Variants in GRIP1 observed in about 807,000 individuals in gnomAD.
The protein encoded by GRIP1 is glutamate receptor interacting protein 1.
GRIP1 carries 45 observed loss-of-function variants against 129.9 expected under a neutral mutation model. The ratio of observed to expected loss-of-function variants is 0.35; its 90% CI spans 0.27 to 0.44. The LOEUF (loss-of-function observed/expected upper bound fraction) is 0.44, where lower values mean the gene tolerates loss of function less well. Ranked by LOEUF, GRIP1 falls within the 20% of genes least tolerant of loss-of-function variation. The probability of loss-of-function intolerance (pLI) is 1.00; values close to 1 mark genes in which losing one functional copy is unlikely to be tolerated. For synonymous variants in GRIP1, 530 were observed against 520.8 expected, an observed-to-expected ratio of 1.02 and a Z score of -0.24; for missense variants, 1,196 against 1,396.8, an observed-to-expected ratio of 0.86 and a Z score of 2.29.
At chr12:66,911,810 C>T (rs1443866231) in intron 1 of GRIP1, among the ~76,000 whole-genome samples, 1 of 152,110 alleles carries the variant, frequency 6.6e-6, no homozygotes, top group Non-Finnish European at 1.5e-5. Context: ...AATGTGTCAT[C>T]CCTTATTAAC....
At chr12:66,838,477 C>A (rs1184971509) in intron 1 of GRIP1, among the ~76,000 whole-genome samples, 3 of 152,150 alleles carry the variant, frequency 2.0e-5, no homozygotes, top group Non-Finnish European at 4.4e-5. Context: ...AGAGTAAACA[C>A]AGGAGACGCA....
intron 1 of GRIP1, among the ~76,000 whole-genome samples, chr12:67,067,635 G>T (rs559879616): frequency 6.6e-6 from 1 of 152,288 alleles, no homozygotes; most frequent in Non-Finnish European, 1.5e-5. Context: ...AAAAAGGGAT[G>T]AATTCCCTGA....
At chr12:67,065,855 ATACATTACTTAAT>A (rs34914049) in intron 1 of GRIP1, among the ~76,000 whole-genome samples, 3,342 of 152,290 alleles carry the variant, frequency 0.022, 132 homozygotes, top group African/African-American at 0.077. Flanking sequence ...AAAACAATGA[ATACATTACTTAAT>A]TTAATTTGAT....
At chr12:66,758,579 C>A (rs1411992441) in intron 1 of GRIP1, among the ~76,000 whole-genome samples, 1 of 152,150 alleles carries the variant, frequency 6.6e-6, no homozygotes, top group Non-Finnish European at 1.5e-5. Context: ...ACCCAAAAGT[C>A]CATAGTCCAA....
At chr12:66,768,503 C>T (rs970318670) in intron 1 of GRIP1, among the ~76,000 whole-genome samples, 1 of 152,122 alleles carries the variant, frequency 6.6e-6, no homozygotes, top group Admixed American at 6.6e-5. Flanking sequence ...AGGAAGTTAA[C>T]GTGTGAGAGT....
intron 1 of GRIP1, among the ~76,000 whole-genome samples, chr12:67,048,101 G>T (rs1297450385): frequency 1.3e-5 from 2 of 150,392 alleles, no homozygotes; most frequent in African/African-American, 4.9e-5. Flanking sequence ...TGGGCCCACA[G>T]AACACACTGT....
intron 1 of GRIP1, among the ~76,000 whole-genome samples, chr12:66,933,036 CATTT>C (rs2041425580): frequency 1.3e-5 from 2 of 152,170 alleles, no homozygotes; most frequent in Admixed American, 6.5e-5. Context: ...TAACGAGTTC[CATTT>C]TATTAACAAT....
intron 1 of GRIP1, among the ~76,000 whole-genome samples, chr12:66,702,301 C>T (rs1270690672): frequency 6.6e-6 from 1 of 152,088 alleles, no homozygotes; most frequent in Non-Finnish European, 1.5e-5. Context: ...ATGCTTCTTT[C>T]ACTGTGATGC....
chr12:66,715,496 G>C lies in GRIP1; in HGVS notation c.-419-85160C>G, dbSNP rs2035859305. ...TGAGAGAGAGAGAGAGAGAGAGAGA[G>C]AGAGAGAGAGAGAGAGAGAGAACTG... On this transcript the variant is annotated intron_variant, in intron 1 of 4. Coordinates refer to the GRIP1 transcript ENST00000538373. Among the ~76,000 whole-genome samples, 9 of 151,118 alleles carry C rather than the reference G, an allele frequency of 6.0e-5. No homozygotes were observed. The South Asian group carries it at 1.9e-3, about 32-fold the overall frequency.
intron 1 of GRIP1, among the ~76,000 whole-genome samples, chr12:67,020,724 T>A (rs1476189852): frequency 6.6e-6 from 1 of 152,166 alleles, no homozygotes; most frequent in African/African-American, 2.4e-5. Context: ...TAAGCCCATA[T>A]TATTGATTTA....
At chr12:66,793,472 GT>G in intron 1 of GRIP1, among the ~76,000 whole-genome samples, 1 of 152,242 alleles carries the variant, frequency 6.6e-6, no homozygotes, top group East Asian at 1.9e-4. Flanking sequence ...CAACAACAAA[GT>G]CACACTAGAG....
chr12:66,600,451 T>G (rs1440384007), intron 1 of GRIP1, among the ~76,000 whole-genome samples: 2 of 152,208 alleles, frequency 1.3e-5, no homozygotes, highest in Non-Finnish European at 2.9e-5. Flanking sequence ...ATAAAATATG[T>G]GAATTAATTA....
chr12:66,525,228 A>G (rs1407752649), intron 5 of GRIP1, among the ~76,000 whole-genome samples: 2 of 152,190 alleles, frequency 1.3e-5, no homozygotes, highest in Non-Finnish European at 2.9e-5. Context: ...ACACAACCAA[A>G]AAAGAGAATT....
intron 1 of GRIP1, among the ~76,000 whole-genome samples, chr12:67,012,919 A>G (rs2042731699): frequency 1.3e-5 from 2 of 152,184 alleles, no homozygotes; most frequent in Non-Finnish European, 2.9e-5. Flanking sequence ...ATTTTTGAAA[A>G]CAATTTTCCT....
At chr12:66,353,860 T>C (rs542415068) in intron 23 of GRIP1, among the ~76,000 whole-genome samples, 1 of 152,178 alleles carries the variant, frequency 6.6e-6, no homozygotes, top group Admixed American at 6.5e-5. Flanking sequence ...TCAAGGCAAG[T>C]TGACTTCTAC....
chr12:66,841,347 T>TA (rs2137049023), intron 1 of GRIP1, among the ~76,000 whole-genome samples: 1 of 152,188 alleles, frequency 6.6e-6, no homozygotes, highest in African/African-American at 2.4e-5. Context: ...ATAAAACAAA[T>TA]ACAGTCATGT....
chr12:66,914,581 A>T (rs1010896379), intron 1 of GRIP1, among the ~76,000 whole-genome samples: 2 of 152,222 alleles, frequency 1.3e-5, no homozygotes, highest in East Asian at 3.8e-4. Flanking sequence ...TTAAGAAAGC[A>T]TATCAGAAAG....
chr12:66,566,875 C>T (rs564570012), intron 2 of GRIP1, among the ~76,000 whole-genome samples: 119 of 152,202 alleles, frequency 7.8e-4, no homozygotes, highest in African/African-American at 2.7e-3. Flanking sequence ...GTGTATGTGT[C>T]GAGGAATTTA....
intron 1 of GRIP1, among the ~76,000 whole-genome samples, chr12:66,868,420 AAAACT>A (rs2040241246): frequency 1.3e-5 from 2 of 152,154 alleles, no homozygotes; most frequent in Admixed American, 1.3e-4. Flanking sequence ...GAATCCTCTC[AAAACT>A]ACAAAATGTA....
Sources: gnomAD v4.1 joint callset for allele counts (sites outside exome capture counted in the v4.1 genomes callset) on GRCh38, gnomAD v4.1.1 for gene constraint, MANE v1.5 for transcripts, NCBI Gene and HGNC (gene_info 2026-07-23, HGNC 2026-07-21) for gene names.